CHM: variants seen among roughly 807,000 people sequenced by gnomAD.
The protein encoded by CHM is CHM Rab escort protein, also known as rab proteins geranylgeranyltransferase component A 1.
In CHM, 10 loss-of-function variants were observed where a neutral mutation model predicts 49.0. The observed-to-expected ratio is 0.20, with a 90% CI of 0.13 to 0.35. The LOEUF (loss-of-function observed/expected upper bound fraction) is 0.35, where lower values mean the gene tolerates loss of function less well. CHM is among the 10% of genes least tolerant of loss of function. CHM has a pLI of 1.00. For synonymous variants in CHM, 184 were observed against 167.5 expected, an observed-to-expected ratio of 1.10 and a Z score of -0.76; for missense variants, 455 against 478.4, an observed-to-expected ratio of 0.95 and a Z score of 0.46.
intron 1 of CHM, among the ~76,000 whole-genome samples, chrX:86,030,684 T>C (rs183337467): frequency 5.4e-5 from 6 of 110,810 alleles, no homozygotes; most frequent in African/African-American, 1.6e-4. Flanking sequence ...ACTCCCTCTG[T>C]AGAGGGAGTC....
chrX:86,017,845 A>G (rs1330656305), intron 2 of CHM, among the ~76,000 whole-genome samples: 1 of 112,428 alleles, frequency 8.9e-6, no homozygotes, highest in African/African-American at 3.2e-5. Context: ...TATACTCAGA[A>G]CATATAAAGC....
At chrX:86,031,457 C>A (rs1934041216) in intron 1 of CHM, among the ~76,000 whole-genome samples, 1 of 111,872 alleles carries the variant, frequency 8.9e-6, no homozygotes, top group African/African-American at 3.2e-5. Flanking sequence ...ATGGTCAAAT[C>A]AGGGTTTCAA....
chrX:85,885,501 A>G (rs1925031097), intron 12 of CHM, among the ~76,000 whole-genome samples: 2 of 110,937 alleles, frequency 1.8e-5, no homozygotes, highest in Middle Eastern at 4.7e-3. Context: ...TGAATAATAT[A>G]TCTTTAAAAC....
Position 86,042,500 on chromosome X carries a change from T to G in CHM, c.49+4984A>C, listed in dbSNP as rs1934505951. On this transcript the variant is annotated intron_variant, in intron 1 of 14. Coordinates refer to ENST00000357749, the MANE Select transcript of CHM (RefSeq NM_000390.4). ...CTTGGTGAGAGGCAAGGCAAGCAAG[T>G]GTGGGGAGATGCCACACACTTTTAA... Among the ~76,000 whole-genome samples the G allele has an allele frequency of 2.7e-5, 3 of 109,761 alleles. No homozygotes were observed. The South Asian group carries it at 1.2e-3, about 44-fold the overall frequency.
intron 2 of CHM, among the ~76,000 whole-genome samples, chrX:86,010,712 G>T (rs1334507595): frequency 9.0e-6 from 1 of 111,669 alleles, no homozygotes; most frequent in Non-Finnish European, 1.9e-5. Flanking sequence ...TTCAAAAGCA[G>T]AACTTAATTG....
rs958587239 is a variant in CHM at position 85,918,445 on chromosome X, A to G, written c.1167-7107T>C. Among the ~76,000 whole-genome samples, 5 of 112,155 alleles carry G rather than the reference A, an allele frequency of 4.5e-5. No homozygotes were observed. In the Admixed American group the frequency reaches 4.7e-4, roughly 11 times the overall value. ...AAGAAAGATACTTGCCAGCAGAAAA[A>G]ACATGCTGAAGTACATAGACCACTG... On this transcript the variant is annotated intron_variant, in intron 8 of 14. Transcript: ENST00000357749.
In CHM at chrX:85,933,979, CT is replaced by C. The variant is rs200938216; in HGVS notation, c.1166+22173del. 5.6e-3 allele frequency among the ~76,000 whole-genome samples: 571 copies of C among 101,269 alleles called. 2 individuals are homozygous for C. The highest frequency in any genetic ancestry group is 0.02 in the Middle Eastern group (4 of 200). 87.9% of individuals were successfully genotyped at this position (101,269 alleles called of 115,157 possible). On this transcript the variant is annotated intron_variant, in intron 8 of 14. Transcript: ENST00000357749. Reference sequence around the variant, plus strand: ...TCATTTACAAAATGGTTGAAATTAGCTTTTTTTTTTTTTTTCTTTGAGACGG... The same window carrying C: ...TCATTTACAAAATGGTTGAAATTAGCTTTTTTTTTTTTTTCTTTGAGACGG...
chrX:85,956,745 C>A (rs890624121), intron 7 of CHM, among the ~76,000 whole-genome samples: 2 of 111,241 alleles, frequency 1.8e-5, no homozygotes, highest in Non-Finnish European at 3.8e-5. Flanking sequence ...ACTATGACAA[C>A]ATGGGAATGT....
At chrX:85,930,329 G>C (rs1569416615) in intron 8 of CHM, among the ~76,000 whole-genome samples, 1 of 110,941 alleles carries the variant, frequency 9.0e-6, no homozygotes. Flanking sequence ...TGCAAGACAG[G>C]TTTAGGGCCT....
chrX:85,978,908 T>C lies in CHM; in HGVS notation c.190-17A>G. 1 of 1,194,308 alleles carries C rather than the reference T, an allele frequency of 8.4e-7. No homozygotes were observed. The highest frequency in any genetic ancestry group is 1.1e-6 in the Non-Finnish European group (1 of 883,969). On this transcript the variant is annotated splice_polypyrimidine_tract_variant and intron_variant, in intron 3 of 14. Coordinates refer to ENST00000357749, the MANE Select transcript of CHM (RefSeq NM_000390.4). ...ACTGTTTTCCTAAACAAAACACAGA[T>C]AAGAAGTTTTAATCAAAGTGGGCAG... is the stretch of plus-strand genomic sequence containing the variant.
At chrX:85,984,915 G>C (rs144241772) in intron 2 of CHM, among the ~76,000 whole-genome samples, 1 of 111,968 alleles carries the variant, frequency 8.9e-6, no homozygotes. Context: ...AATATCACAA[G>C]ACTGGGAGTG....
chrX:85,898,266 A>C (rs368129232), intron 11 of CHM, among the ~76,000 whole-genome samples: 1 of 111,466 alleles, frequency 9.0e-6, no homozygotes, highest in African/African-American at 3.3e-5. Flanking sequence ...TTTATAATTT[A>C]AAGAATAAAT....
chrX:85,963,988 A>G lies in CHM; in HGVS notation c.379T>C (p.Ser127Pro). Reference sequence around the variant, plus strand: ...TCTGCAGCTTCTGTGGAGTTTGCAGATGTCACAAGAGCATGATTTTTCTGC... The same window carrying G: ...TCTGCAGCTTCTGTGGAGTTTGCAGGTGTCACAAGAGCATGATTTTTCTGC... ...ALQKNHALVT[S>P]ANSTEAADSA... The change falls in exon 5 of 15, where the codon TCT (serine) becomes CCT (proline). Residue 127 changes from serine (S) to proline (P), a missense_variant. By Grantham distance (74) the Ser-to-Pro change is moderately conservative. Coordinates refer to ENST00000357749, the MANE Select transcript of CHM (RefSeq NM_000390.4). The G allele has an allele frequency of 2.5e-6, 3 of 1,209,252 alleles. No homozygotes were observed. Among genetic ancestry groups the G allele is most frequent in the Non-Finnish European group, 3.4e-6 (3 of 894,425 alleles).
At chrX:85,980,533 A>T (rs758514197) in intron 3 of CHM, among the ~76,000 whole-genome samples, 1 of 112,370 alleles carries the variant, frequency 8.9e-6, no homozygotes. Context: ...TGATTAAATC[A>T]ATCAATCAAT....
intron 8 of CHM, among the ~76,000 whole-genome samples, chrX:85,944,280 T>C (rs1929284027): frequency 8.9e-6 from 1 of 112,250 alleles, no homozygotes. Flanking sequence ...AGATGCTTTA[T>C]CTTATGATTT....
intron 9 of CHM, among the ~76,000 whole-genome samples, chrX:85,902,533 T>C (rs1481766168): frequency 9.0e-6 from 1 of 111,541 alleles, no homozygotes; most frequent in East Asian, 2.8e-4. Context: ...AATATTTACA[T>C]GATTTTTTTC....
chrX:86,004,718 C>T (rs1199677851), intron 2 of CHM, among the ~76,000 whole-genome samples: 1 of 111,627 alleles, frequency 9.0e-6, no homozygotes, highest in Non-Finnish European at 1.9e-5. Flanking sequence ...GCTAACTATC[C>T]TAAATATATA....
intron 2 of CHM, among the ~76,000 whole-genome samples, chrX:85,997,035 G>A (rs1932471146): frequency 8.9e-6 from 1 of 111,951 alleles, no homozygotes; most frequent in Non-Finnish European, 1.9e-5. Context: ...GCACAGACCT[G>A]CCTCCCAGGC....
chrX:85,908,884 A>C (rs1454793493), intron 9 of CHM, among the ~76,000 whole-genome samples: 2 of 112,108 alleles, frequency 1.8e-5, no homozygotes, highest in Non-Finnish European at 3.8e-5. Context: ...GCATTATGTG[A>C]GAATGGCTTA....
Sources: gnomAD v4.1 joint callset for allele counts (sites outside exome capture counted in the v4.1 genomes callset) on GRCh38, gnomAD v4.1.1 for gene constraint, MANE v1.5 for transcripts, NCBI Gene and HGNC (gene_info 2026-07-23, HGNC 2026-07-21) for gene names.